The following RNFT2 variants were observed in gnomAD, a reference collection of about 807,000 sequenced individuals.
RNFT2 encodes the protein ring finger protein, transmembrane 2, also known as E3 ubiquitin-protein ligase RNFT2.
RNFT2 carries 36 observed loss-of-function variants against 53.0 expected under a neutral mutation model. The observed-to-expected ratio is 0.68, with a 90% CI of 0.52 to 0.90. The LOEUF is 0.90. Ranked by LOEUF, RNFT2 falls within the 40% of genes least tolerant of loss-of-function variation. The probability of loss-of-function intolerance (pLI) is 0.00; values close to 1 mark genes in which losing one functional copy is unlikely to be tolerated. For missense variants in RNFT2, 514 were observed against 585.6 expected (o/e 0.88, Z 1.26); for synonymous variants, 260 against 253.2 (o/e 1.03, Z -0.26).
At position 116,792,814 on chromosome 12, in the gene RNFT2, C is replaced by T. The variant is rs1365934796; in HGVS notation, c.882+13466C>T. ...TTTGTCAGAGACCCCTAATGGCTCA[C>T]GGCACAGATGCTCTTTGCTGGGCCT... is the stretch of plus-strand genomic sequence containing the variant. On this transcript the variant is annotated intron_variant, in intron 7 of 10. Coordinates refer to ENST00000257575, the MANE Select transcript of RNFT2 (RefSeq NM_001382266.1). Among the ~76,000 whole-genome samples, 5 of 152,206 alleles carry T rather than the reference C, an allele frequency of 3.3e-5. No individual in the cohort carries two copies. The East Asian group carries it at 5.8e-4, about 18-fold the overall frequency.
chr12:116,835,462 T>C (rs1396326847), intron 8 of RNFT2, among the ~76,000 whole-genome samples: 1 of 152,222 alleles, frequency 6.6e-6, no homozygotes, highest in African/African-American at 2.4e-5. Flanking sequence ...CTCTTTCTCT[T>C]TGGTTCTCCA....
chr12:116,825,447 A>T (rs568293715), intron 7 of RNFT2, among the ~76,000 whole-genome samples: 1 of 152,348 alleles, frequency 6.6e-6, no homozygotes, highest in South Asian at 2.1e-4. Flanking sequence ...CTGGATTATC[A>T]TGAGGGCCAG....
At chr12:116,785,885 C>CA (rs369831352) in intron 7 of RNFT2, among the ~76,000 whole-genome samples, 1 of 151,858 alleles carries the variant, frequency 6.6e-6, no homozygotes, top group East Asian at 2.0e-4. Context: ...CCTGTCTCTA[C>CA]AAAAAATACA....
intron 1 of RNFT2, 131 bp downstream of exon 1, chr12:116,738,501 C>A (rs1278951852): frequency 6.6e-6 from 1 of 152,154 alleles, no homozygotes; most frequent in African/African-American, 2.4e-5. Context: ...ACGTTGTTCC[C>A]GAAGTGCACC....
rs1878019951 is a variant in RNFT2, at chr12:116,853,407, T to C, written c.*3959T>C. 5.2e-6 allele frequency: 2 copies of C among 386,702 alleles called. No homozygotes were observed. Among genetic ancestry groups the C allele is most frequent in the Admixed American group, 9.0e-5 (2 of 22,330 alleles). The allele number at this position is 386,702 out of a possible 1,614,324, so 24.0% of individuals were successfully genotyped here. A position where few individuals can be genotyped will look rare whatever the true frequency, so the allele number is the denominator to read the frequency against. Reference sequence around the variant, plus strand: ...TGTGAGGGAATAAGAAAGGCAAGCTTTGGACACAGATATGATAGGTGCATC... The same window carrying C: ...TGTGAGGGAATAAGAAAGGCAAGCTCTGGACACAGATATGATAGGTGCATC... On this transcript the variant is annotated 3_prime_UTR_variant, in exon 11 of 11. Coordinates refer to ENST00000257575, the MANE Select transcript of RNFT2 (RefSeq NM_001382266.1).
At chr12:116,772,945 C>T (rs1239878087) in intron 6 of RNFT2, among the ~76,000 whole-genome samples, 1 of 152,210 alleles carries the variant, frequency 6.6e-6, no homozygotes, top group Non-Finnish European at 1.5e-5. Flanking sequence ...TCTCCTGCCT[C>T]AGCCTCTCAA....
At position 116,852,728 on chromosome 12, in the gene RNFT2, T is replaced by A; in HGVS notation, c.*3280T>A. 1 of 1,611,612 alleles carries A rather than the reference T, an allele frequency of 6.2e-7. No homozygotes were observed. Among genetic ancestry groups the A allele is most frequent in the East Asian group, 2.2e-5 (1 of 44,868 alleles). ...AGGTGTGTAAGGAAATAGAACAGTCTGCTGGGAGTCAGACCTGGAATTCTG... is the reference window on the plus strand; with the variant it reads ...AGGTGTGTAAGGAAATAGAACAGTCAGCTGGGAGTCAGACCTGGAATTCTG... On this transcript the variant is annotated 3_prime_UTR_variant, in exon 11 of 11. Transcript: ENST00000257575.
At chr12:116,753,407 TC>T (rs916757476) in intron 4 of RNFT2, among the ~76,000 whole-genome samples, 1 of 152,198 alleles carries the variant, frequency 6.6e-6, no homozygotes, top group Admixed American at 6.5e-5. Flanking sequence ...CACCTCGGCC[TC>T]CCAAAGTGCT....
chr12:116,845,634 G>A (rs763321798), intron 10 of RNFT2, among the ~76,000 whole-genome samples: 4 of 152,108 alleles, frequency 2.6e-5, no homozygotes, highest in Non-Finnish European at 5.9e-5. Flanking sequence ...CAGGGTGTGA[G>A]GATGGGGCTG....
intron 5 of RNFT2, among the ~76,000 whole-genome samples, chr12:116,754,445 T>A (rs968031360): frequency 7.2e-5 from 11 of 152,234 alleles, no homozygotes; most frequent in African/African-American, 2.7e-4. Context: ...TGCTATAAAC[T>A]TGCGTGTGCA....
chr12:116,740,367 C>T lies in RNFT2; in HGVS notation c.-131C>T. The stretch of plus-strand genomic sequence containing the variant: ...CAGGTTTGGAGTCTCTGGCAAGCTC[C>T]CCTGACTGTGCATCCCTCTGGAGAC... On this transcript the variant is annotated 5_prime_UTR_variant, in exon 2 of 11. Coordinates refer to ENST00000257575, the MANE Select transcript of RNFT2 (RefSeq NM_001382266.1). 1.2e-6 allele frequency: 1 copy of T among 851,224 alleles called. No homozygotes were observed. The highest frequency in any genetic ancestry group is 1.9e-6 in the Non-Finnish European group (1 of 523,616). 52.7% of individuals were successfully genotyped at this position (851,224 alleles called of 1,614,324 possible).
At chr12:116,833,197 G>A (rs970317617) in intron 7 of RNFT2, among the ~76,000 whole-genome samples, 6 of 152,138 alleles carry the variant, frequency 3.9e-5, no homozygotes, top group Non-Finnish European at 8.8e-5. Context: ...GGGATTACAG[G>A]CATGAGCCAC....
chr12:116,781,640 C>G (rs1489826004), intron 7 of RNFT2, among the ~76,000 whole-genome samples: 4 of 151,552 alleles, frequency 2.6e-5, no homozygotes, highest in Non-Finnish European at 5.9e-5. Context: ...TCTCCTGATT[C>G]TCGCCCTCCT....
At chr12:116,835,486 A>G (rs1159628627) in intron 8 of RNFT2, among the ~76,000 whole-genome samples, 2 of 152,222 alleles carry the variant, frequency 1.3e-5, no homozygotes, top group Non-Finnish European at 2.9e-5. Flanking sequence ...CTGGCTTTAG[A>G]GAATCCTGGG....
At chr12:116,814,545 C>T (rs775183279) in intron 7 of RNFT2, among the ~76,000 whole-genome samples, 1 of 152,050 alleles carries the variant, frequency 6.6e-6, no homozygotes, top group Non-Finnish European at 1.5e-5. Context: ...GAGGTGGAAA[C>T]GTGCTTGGCA....
intron 4 of RNFT2, among the ~76,000 whole-genome samples, chr12:116,750,898 A>T (rs1566069574): frequency 3.5e-3 from 28 of 7,942 alleles, no homozygotes; most frequent in Admixed American, 0.01. Flanking sequence ...TATAATATAT[A>T]TATATATATA....
chr12:116,844,549 A>G (rs1029837448), intron 10 of RNFT2, among the ~76,000 whole-genome samples: 1 of 152,160 alleles, frequency 6.6e-6, no homozygotes, highest in Non-Finnish European at 1.5e-5. Context: ...TGTTTTAAAT[A>G]TGTCTCCGTT....
At chr12:116,752,613 C>T (rs557768196) in intron 4 of RNFT2, among the ~76,000 whole-genome samples, 47 of 152,292 alleles carry the variant, frequency 3.1e-4, no homozygotes, top group Middle Eastern at 3.4e-3. Flanking sequence ...TACGGTGGCT[C>T]ACGCCTGTAA....
intron 7 of RNFT2, among the ~76,000 whole-genome samples, chr12:116,816,370 C>A (rs1875670605): frequency 6.6e-6 from 1 of 152,184 alleles, no homozygotes; most frequent in South Asian, 2.1e-4. Context: ...CACAGCCCAG[C>A]AACTCTTTTG....
Sources: gnomAD v4.1 joint callset for allele counts (sites outside exome capture counted in the v4.1 genomes callset) on GRCh38, gnomAD v4.1.1 for gene constraint, MANE v1.5 for transcripts, NCBI Gene and HGNC (gene_info 2026-07-23, HGNC 2026-07-21) for gene names.